The following PDE9A variants were observed in gnomAD, a reference collection of about 807,000 sequenced individuals.
The protein encoded by PDE9A is phosphodiesterase 9A.
A neutral mutation model predicts 87.4 loss-of-function variants in PDE9A; 60 were observed. The observed-to-expected ratio is 0.69, with a 90% CI of 0.56 to 0.85. The LOEUF is 0.85. PDE9A is among the 40% of genes least tolerant of loss of function. The pLI is 0.00. For missense variants in PDE9A, 665 were observed against 779.0 expected (o/e 0.85, Z 1.74); for synonymous variants, 272 against 279.4 (o/e 0.97, Z 0.27).
At chr21:42,764,150 A>AGCC (rs915084140) in intron 14 of PDE9A, among the ~76,000 whole-genome samples, 3 of 152,234 alleles carry the variant, frequency 2.0e-5, no homozygotes, top group African/African-American at 7.2e-5. Context: ...GAGCGCCGAC[A>AGCC]GCCGCACCTC....
intron 15 of PDE9A, among the ~76,000 whole-genome samples, chr21:42,767,346 G>A (rs141192067): frequency 0.026 from 3,915 of 152,198 alleles, 168 homozygotes; most frequent in Admixed American, 0.12. Context: ...CTCCACTGAG[G>A]CCGGCCAGGC....
intron 1 of PDE9A, among the ~76,000 whole-genome samples, chr21:42,679,315 C>T (rs1015454119): frequency 6.6e-6 from 1 of 152,214 alleles, no homozygotes; most frequent in South Asian, 2.1e-4. Context: ...CCTGAGCTGC[C>T]TCATCCCTCG....
In PDE9A at chr21:42,659,308, G is replaced by A. The variant is rs1425990206; in HGVS notation, c.69+5425G>A. On this transcript the variant is annotated intron_variant, in intron 1 of 19. Transcript: ENST00000291539. The surrounding 1 kb of genome is among the most constrained non-coding windows in gnomAD (Gnocchi z 4.1). ...ATCAGGAATTTCCATGAATGACCTG[G>A]AAACCTCTCAGACTAAACCAATGCC... 1.3e-5 allele frequency among the ~76,000 whole-genome samples: 2 copies of A among 152,316 alleles called. No individual in the cohort carries two copies. The highest frequency in any genetic ancestry group is 3.9e-4 in the East Asian group (2 of 5,174).
intron 1 of PDE9A, among the ~76,000 whole-genome samples, chr21:42,683,855 C>T (rs1569141415): frequency 6.6e-6 from 1 of 152,196 alleles, no homozygotes; most frequent in East Asian, 1.9e-4. Context: ...CTCTGAGGGG[C>T]TGGGACAGGA....
At chr21:42,662,942 G>A (rs56166482) in intron 1 of PDE9A, among the ~76,000 whole-genome samples, 4,867 of 105,368 alleles carry the variant, frequency 0.046, 113 homozygotes, top group Non-Finnish European at 0.062. Flanking sequence ...TGCACACCAC[G>A]CACACGCACA....
chr21:42,731,597 C>T (rs1044299881), intron 4 of PDE9A, among the ~76,000 whole-genome samples, 173 bp from the exon 5 acceptor site: 4 of 152,154 alleles, frequency 2.6e-5, no homozygotes, highest in Non-Finnish European at 5.9e-5. Flanking sequence ...AGGGAGCAAC[C>T]GGCTGGACCC....
intron 4 of PDE9A, among the ~76,000 whole-genome samples, chr21:42,728,312 T>G (rs892075221): frequency 2.0e-5 from 3 of 152,214 alleles, no homozygotes; most frequent in Non-Finnish European, 4.4e-5. Context: ...AAGGAACAAC[T>G]GTATAATATT....
At chr21:42,710,922 A>T (rs923500741) in intron 4 of PDE9A, among the ~76,000 whole-genome samples, 42 of 152,168 alleles carry the variant, frequency 2.8e-4, no homozygotes, top group African/African-American at 9.7e-4. Flanking sequence ...CAGGAGGTGG[A>T]TGTTGCAGTA....
chr21:42,760,493 TC>T lies in PDE9A; in HGVS notation c.1002+63del. The T allele has an allele frequency of 9.6e-7, 1 of 1,042,894 alleles. No homozygotes were observed. Among genetic ancestry groups the T allele is most frequent in the Non-Finnish European group, 1.4e-6 (1 of 695,490 alleles). The allele number at this position is 1,042,894 out of a possible 1,614,324, so 64.6% of individuals were successfully genotyped here. A position where few individuals can be genotyped will look rare whatever the true frequency, so the allele number is the denominator to read the frequency against. On this transcript the variant is annotated intron_variant, in intron 12 of 19. Coordinates refer to ENST00000291539, the MANE Select transcript of PDE9A (RefSeq NM_002606.3). The surrounding 1 kb of genome is among the most constrained non-coding windows in gnomAD (Gnocchi z 5.2). The stretch of plus-strand genomic sequence containing the variant: ...CTCGGGGGTCAGACGGAGGCCCCCT[TC>T]CAGGGAGCGGCAGCCCCATCCCACC...
chr21:42,700,665 A>G (rs750695510), intron 4 of PDE9A: 4 of 152,204 alleles, frequency 2.6e-5, no homozygotes, highest in Admixed American at 6.5e-5. Context: ...CACAGGAGAG[A>G]AAAACCGAGG....
chr21:42,767,195 C>T (rs529351173), intron 15 of PDE9A, among the ~76,000 whole-genome samples: 2 of 152,112 alleles, frequency 1.3e-5, no homozygotes, highest in Non-Finnish European at 2.9e-5. Flanking sequence ...AAATGGGCCC[C>T]AATAGGGAGG....
At position 42,760,052 on chromosome 21, in the gene PDE9A, G is replaced by A. The variant is rs972505532; in HGVS notation, c.898-276G>A. ...CCACTGTGGCTCCTCAGACACCTCCGGGGAGACCCCAGTCCTTGACTGCAG... is the reference window on the plus strand; with the variant it reads ...CCACTGTGGCTCCTCAGACACCTCCAGGGAGACCCCAGTCCTTGACTGCAG... On this transcript the variant is annotated intron_variant, in intron 11 of 19. Transcript: ENST00000291539. This position sits in a 1 kb window ranked among gnomAD's most constrained non-coding sequence, Gnocchi z 5.2. Among the ~76,000 whole-genome samples, 8 of 151,728 alleles carry A rather than the reference G, an allele frequency of 5.3e-5. No individual in the cohort carries two copies. The highest frequency in any genetic ancestry group is 1.2e-4 in the African/African-American group (5 of 41,256).
intron 15 of PDE9A, among the ~76,000 whole-genome samples, chr21:42,766,545 A>C (rs1436049107): frequency 6.6e-6 from 1 of 152,192 alleles, no homozygotes; most frequent in Non-Finnish European, 1.5e-5. Flanking sequence ...ATCCAGTCCC[A>C]GTAGGTAGAG....
chr21:42,766,395 G>A (rs372081969), intron 15 of PDE9A, among the ~76,000 whole-genome samples: 2 of 152,242 alleles, frequency 1.3e-5, no homozygotes, highest in East Asian at 3.9e-4. Context: ...TGGTTTTGTG[G>A]AGCCTTGTCT....
At chr21:42,728,110 C>T (rs1200293366) in intron 4 of PDE9A, among the ~76,000 whole-genome samples, 2 of 152,192 alleles carry the variant, frequency 1.3e-5, no homozygotes, top group Non-Finnish European at 2.9e-5. Flanking sequence ...GTAAACAGTA[C>T]AGTATAGCAA....
chr21:42,673,831 C>T (rs116048438), intron 1 of PDE9A, among the ~76,000 whole-genome samples: 114 of 152,310 alleles, frequency 7.5e-4, no homozygotes, highest in African/African-American at 2.5e-3. Flanking sequence ...GATGCCTGGG[C>T]GACGCTGCCC....
chr21:42,772,756 C>G (rs2057135668), intron 19 of PDE9A, among the ~76,000 whole-genome samples: 1 of 151,884 alleles, frequency 6.6e-6, no homozygotes, highest in Non-Finnish European at 1.5e-5. Context: ...GCCTCAGCCC[C>G]CTAAGTAGCT....
chr21:42,676,377 C>G (rs1415941339), intron 1 of PDE9A, among the ~76,000 whole-genome samples: 1 of 152,204 alleles, frequency 6.6e-6, no homozygotes, highest in Non-Finnish European at 1.5e-5. Context: ...GCAAGGCTGC[C>G]TCTTATAACC....
intron 9 of PDE9A, 104 bp from the exon 10 acceptor site, chr21:42,753,886 A>T: frequency 1.6e-6 from 1 of 620,014 alleles, no homozygotes; most frequent in Non-Finnish European, 2.8e-6. Context: ...AAAGAAAGAA[A>T]GAAAAAGAAA....
Sources: gnomAD v4.1 joint callset for allele counts (sites outside exome capture counted in the v4.1 genomes callset) on GRCh38, gnomAD v4.1.1 for gene constraint, Gnocchi (gnomAD v3.1) non-coding constraint, MANE v1.5 for transcripts, NCBI Gene and HGNC (gene_info 2026-07-23, HGNC 2026-07-21) for gene names.